Variants in AGBL1 observed in about 807,000 individuals in gnomAD.
The protein encoded by AGBL1 is AGBL carboxypeptidase 1, also known as cytosolic carboxypeptidase 4.
Under a neutral mutation model 118.9 loss-of-function variants are expected in AGBL1, and 130 were observed. That is an observed-to-expected ratio of 1.09 (90% CI 0.95 to 1.26). The LOEUF is 1.26. Ranked by LOEUF, AGBL1 falls within the 50% of genes most tolerant of loss-of-function variation. The pLI, the probability that AGBL1 is intolerant of heterozygous loss-of-function variation, is 0.00. For synonymous variants in AGBL1, 555 were observed against 478.9 expected (o/e 1.16, Z -2.08); for missense variants, 1,584 against 1,298.1 (o/e 1.22, Z -3.38).
chr15:86,644,851 C>CAAAAAAAAAAAAA (rs11434077), intron 21 of AGBL1, among the ~76,000 whole-genome samples: 4 of 99,526 alleles, frequency 4.0e-5, no homozygotes, highest in East Asian at 2.8e-4. Flanking sequence ...ACTAAAAATA[C>CAAAAAAAAAAAAA]AAAAAAAAAA....
At chr15:86,286,912 T>G (rs1433880109) in intron 16 of AGBL1, among the ~76,000 whole-genome samples, 1 of 151,878 alleles carries the variant, frequency 6.6e-6, no homozygotes, top group Non-Finnish European at 1.5e-5. Flanking sequence ...GGTAATTCTA[T>G]TTTTAATTTT....
chr15:86,584,566 C>G (rs2084219185), intron 21 of AGBL1, among the ~76,000 whole-genome samples: 1 of 152,054 alleles, frequency 6.6e-6, no homozygotes, highest in Admixed American at 6.6e-5. Context: ...CAGTACCATG[C>G]TGTTTTGGTT....
chr15:86,141,595 G>A (rs2076964355), intron 1 of AGBL1, among the ~76,000 whole-genome samples: 1 of 152,174 alleles, frequency 6.6e-6, no homozygotes, highest in Non-Finnish European at 1.5e-5. Context: ...AAGTTGCAGT[G>A]AGTGGAGATC....
chr15:86,866,293 G>A (rs1014186102), intron 22 of AGBL1, among the ~76,000 whole-genome samples: 42 of 152,140 alleles, frequency 2.8e-4, no homozygotes, highest in African/African-American at 9.7e-4. Context: ...CATTTCCTCA[G>A]GTACTATTCT....
chr15:86,783,711 C>A (rs1344774081), intron 22 of AGBL1, among the ~76,000 whole-genome samples: 1 of 152,190 alleles, frequency 6.6e-6, no homozygotes, highest in Non-Finnish European at 1.5e-5. Context: ...CTCACTGCAG[C>A]CTCCACCTCC....
chr15:86,748,092 T>C (rs1308900478), intron 22 of AGBL1, among the ~76,000 whole-genome samples: 3 of 152,066 alleles, frequency 2.0e-5, no homozygotes, highest in African/African-American at 4.8e-5. Context: ...TATAATCACA[T>C]CAACAGTGTA....
chr15:87,023,725 A>G (rs1196629152), intron 24 of AGBL1, among the ~76,000 whole-genome samples: 1 of 152,112 alleles, frequency 6.6e-6, no homozygotes, highest in Non-Finnish European at 1.5e-5. Flanking sequence ...GAAAGACCAT[A>G]TGATAGACCA....
rs947053680 is a variant in AGBL1, at chr15:86,530,191, A to C, written c.2685+7252A>C. Among the ~76,000 whole-genome samples, 7 of 141,886 alleles carry C rather than the reference A, an allele frequency of 4.9e-5. No individual in the cohort carries two copies. The South Asian group carries it at 1.3e-3, about 26-fold the overall frequency. The allele number at this position is 141,886 out of a possible 152,430, so 93.1% of individuals were successfully genotyped here. On this transcript the variant is annotated intron_variant, in intron 19 of 22. Transcript: ENST00000614907. ...GTTGGATAAAGAGTCAAGACCCATC[A>C]GTGTGGTGTATTCAGGAAACCCATC...
intron 22 of AGBL1, among the ~76,000 whole-genome samples, chr15:86,792,999 T>A (rs560066690): frequency 2.0e-5 from 3 of 152,248 alleles, no homozygotes; most frequent in Admixed American, 1.3e-4. Flanking sequence ...CTTAAAAAAA[T>A]TAGACCATAG....
chr15:86,902,482 G>C (rs1195448830), intron 22 of AGBL1, among the ~76,000 whole-genome samples: 2 of 151,964 alleles, frequency 1.3e-5, no homozygotes, highest in Non-Finnish European at 2.9e-5. Context: ...CTATGTATTT[G>C]CTCATATTTT....
At chr15:86,457,161 T>C (rs976261101) in intron 18 of AGBL1, among the ~76,000 whole-genome samples, 8 of 117,620 alleles carry the variant, frequency 6.8e-5, no homozygotes, top group African/African-American at 2.3e-4. Flanking sequence ...CAGAAGCAAA[T>C]ATCTTTCTAT....
chr15:86,330,921 A>G (rs1347069328), intron 17 of AGBL1, among the ~76,000 whole-genome samples: 3 of 152,174 alleles, frequency 2.0e-5, no homozygotes, highest in African/African-American at 7.2e-5. Context: ...AAATAAAGAA[A>G]AAAGAATTTA....
intron 18 of AGBL1, among the ~76,000 whole-genome samples, chr15:86,421,396 G>A (rs2081787871): frequency 6.6e-6 from 1 of 152,074 alleles, no homozygotes; most frequent in Non-Finnish European, 1.5e-5. Context: ...TTACAAACAA[G>A]CAAATGCTGA....
At chr15:86,246,283 A>G (rs2078720048) in intron 6 of AGBL1, among the ~76,000 whole-genome samples, 1 of 152,204 alleles carries the variant, frequency 6.6e-6, no homozygotes, top group Non-Finnish European at 1.5e-5. Flanking sequence ...AGGAGGCAGC[A>G]CAGCAAAACC....
intron 17 of AGBL1, among the ~76,000 whole-genome samples, chr15:86,377,258 C>T (rs374810710): frequency 3.9e-5 from 6 of 152,310 alleles, no homozygotes; most frequent in African/African-American, 1.2e-4. Context: ...TATATACTCA[C>T]ATATGTGCAT....
chr15:86,444,989 T>A (rs1297421743), intron 18 of AGBL1, among the ~76,000 whole-genome samples: 2 of 152,144 alleles, frequency 1.3e-5, no homozygotes, highest in African/African-American at 4.8e-5. Context: ...AATTATCTGG[T>A]GGGGTGGGTG....
At chr15:86,797,350 CTG>C (rs1436950565) in intron 22 of AGBL1, among the ~76,000 whole-genome samples, 1 of 152,216 alleles carries the variant, frequency 6.6e-6, no homozygotes, top group Non-Finnish European at 1.5e-5. Flanking sequence ...CCACAGGAGG[CTG>C]TGTCTTCATG....
chr15:86,818,552 A>G lies in AGBL1; in HGVS notation c.3159-88535A>G, dbSNP rs140174951. Among the ~76,000 whole-genome samples the G allele has an allele frequency of 1.5e-3, 233 of 152,292 alleles. 1 individual carries two copies. Among genetic ancestry groups the G allele is most frequent in the African/African-American group, 5.3e-3 (220 of 41,548 alleles). On this transcript the variant is annotated intron_variant, in intron 22 of 22. Transcript: ENST00000614907. ...GGAAAATTGTCAAATTGTTTTCCAC[A>G]AAGCAGGTCCTGATGCCAAAAGGTT... is the stretch of plus-strand genomic sequence containing the variant.
chr15:86,371,996 C>T (rs1251735969), intron 17 of AGBL1, among the ~76,000 whole-genome samples: 1 of 152,196 alleles, frequency 6.6e-6, no homozygotes, highest in Non-Finnish European at 1.5e-5. Flanking sequence ...ATTTCTTATG[C>T]TCCTTTGCCT....
Sources: gnomAD v4.1 joint callset for allele counts (sites outside exome capture counted in the v4.1 genomes callset) on GRCh38, gnomAD v4.1.1 for gene constraint, MANE v1.5 for transcripts, NCBI Gene and HGNC (gene_info 2026-07-23, HGNC 2026-07-21) for gene names.